Variants in TRABD2B observed in about 807,000 individuals in gnomAD.
TRABD2B encodes metalloprotease TIKI2.
Under a neutral mutation model 40.1 loss-of-function variants are expected in TRABD2B, and 14 were observed. That is an observed-to-expected ratio of 0.35 (90% CI 0.23 to 0.55). TRABD2B has a LOEUF of 0.55. Ranked by LOEUF, TRABD2B falls within the 20% of genes least tolerant of loss-of-function variation. The pLI is 0.90. For missense variants in TRABD2B, 541 were observed against 648.6 expected (o/e 0.83, Z 1.80); for synonymous variants, 263 against 277.0 (o/e 0.95, Z 0.50).
intron 2 of TRABD2B, among the ~76,000 whole-genome samples, chr1:47,935,625 A>G (rs1645096752): frequency 1.3e-5 from 2 of 152,250 alleles, no homozygotes; most frequent in Admixed American, 6.5e-5. Context: ...GGCTTCAACA[A>G]GCAAGTAAGA....
intron 2 of TRABD2B, among the ~76,000 whole-genome samples, chr1:47,825,118 GAAC>G (rs1477700640): frequency 1.1e-4 from 16 of 152,328 alleles, no homozygotes; most frequent in African/African-American, 3.8e-4. Flanking sequence ...TTGTTTCACA[GAAC>G]AACATGAGCA....
chr1:47,930,496 T>C (rs530263034), intron 2 of TRABD2B, among the ~76,000 whole-genome samples: 35 of 152,190 alleles, frequency 2.3e-4, no homozygotes, highest in African/African-American at 8.4e-4. Context: ...GAGTCCGCGA[T>C]AGTAAACCAG....
intron 4 of TRABD2B, among the ~76,000 whole-genome samples, chr1:47,785,016 G>A (rs1644576509): frequency 6.6e-6 from 1 of 152,202 alleles, no homozygotes; most frequent in South Asian, 2.1e-4. Flanking sequence ...AAGGAGATGA[G>A]TGAGGAGTGA....
intron 2 of TRABD2B, among the ~76,000 whole-genome samples, chr1:47,842,785 A>G (rs12129836): frequency 0.23 from 35,514 of 152,156 alleles, 4,706 homozygotes; most frequent in South Asian, 0.46. Flanking sequence ...TGGAGATTTC[A>G]TTGTAGCAGA....
intron 2 of TRABD2B, among the ~76,000 whole-genome samples, chr1:47,823,601 G>C (rs937405754): frequency 6.6e-6 from 1 of 152,204 alleles, no homozygotes; most frequent in African/African-American, 2.4e-5. Context: ...TCAGAGCAGG[G>C]GGAGGTGCAG....
chr1:47,766,193 G>T, intron 6 of TRABD2B, 87 bp from the exon 7 acceptor site: 1 of 676,328 alleles, frequency 1.5e-6, no homozygotes, highest in East Asian at 2.7e-5. Context: ...ATTTTTTCAG[G>T]TCTATTTTGC....
chr1:47,794,410 C>G (rs1247920675), intron 4 of TRABD2B, among the ~76,000 whole-genome samples, 176 bp downstream of exon 4: 1 of 152,138 alleles, frequency 6.6e-6, no homozygotes, highest in East Asian at 1.9e-4. Context: ...ATGGAAGAAC[C>G]CTTGACCCGA....
chr1:47,848,113 C>CA (rs1314368387), intron 2 of TRABD2B, among the ~76,000 whole-genome samples: 1 of 152,240 alleles, frequency 6.6e-6, no homozygotes. Flanking sequence ...TCAAGGACCC[C>CA]AGCCCCTAGA....
At chr1:47,952,863 A>G (rs1239013727) in intron 2 of TRABD2B, among the ~76,000 whole-genome samples, 1 of 152,160 alleles carries the variant, frequency 6.6e-6, no homozygotes, top group Non-Finnish European at 1.5e-5. Context: ...GGCCTCCCCA[A>G]GGGCAGGTCC....
chr1:47,965,802 G>C (rs1030178158), intron 2 of TRABD2B, among the ~76,000 whole-genome samples: 16 of 152,168 alleles, frequency 1.1e-4, no homozygotes, highest in Non-Finnish European at 2.9e-5. Flanking sequence ...AGATCATGAA[G>C]AGCAAGGGTA....
intron 2 of TRABD2B, among the ~76,000 whole-genome samples, chr1:47,831,269 TATTA>T (rs1434365445): frequency 5.9e-5 from 9 of 152,110 alleles, no homozygotes; most frequent in Middle Eastern, 6.8e-3. Context: ...AGAGCAGAAT[TATTA>T]ATAGGTCCTA....
chr1:47,944,925 G>T (rs1387389054), intron 2 of TRABD2B, among the ~76,000 whole-genome samples: 1 of 152,082 alleles, frequency 6.6e-6, no homozygotes, highest in Non-Finnish European at 1.5e-5. Context: ...AGAAAAAAGG[G>T]GGCTACAATT....
chr1:47,915,391 C>G (rs569820861), intron 2 of TRABD2B, among the ~76,000 whole-genome samples: 1 of 152,114 alleles, frequency 6.6e-6, no homozygotes, highest in Non-Finnish European at 1.5e-5. Context: ...GCCAGAGGCA[C>G]GGGGACTTAC....
intron 2 of TRABD2B, among the ~76,000 whole-genome samples, chr1:47,902,109 C>A (rs1644608554): frequency 6.6e-6 from 1 of 152,186 alleles, no homozygotes; most frequent in African/African-American, 2.4e-5. Flanking sequence ...TTTGACCAAG[C>A]CTCCCACAAG....
intron 2 of TRABD2B, among the ~76,000 whole-genome samples, chr1:47,866,487 T>C (rs575989741): frequency 2.0e-5 from 3 of 152,288 alleles, no homozygotes; most frequent in Admixed American, 2.0e-4. Context: ...TCCTGACTGC[T>C]TCCCATGCTG....
chr1:47,895,866 C>A (rs917946204), intron 2 of TRABD2B, among the ~76,000 whole-genome samples: 2 of 152,244 alleles, frequency 1.3e-5, no homozygotes, highest in African/African-American at 4.8e-5. Context: ...CCAGGCCTGC[C>A]TCCTCGTACT....
At chr1:47,881,450 T>C (rs1033900952) in intron 2 of TRABD2B, among the ~76,000 whole-genome samples, 2 of 152,226 alleles carry the variant, frequency 1.3e-5, no homozygotes, top group African/African-American at 4.8e-5. Flanking sequence ...TGCTAAGAAC[T>C]TGACATCCAT....
intron 2 of TRABD2B, among the ~76,000 whole-genome samples, chr1:47,892,464 A>G (rs1644461442): frequency 6.6e-6 from 1 of 152,250 alleles, no homozygotes. Context: ...GGATATATGA[A>G]TCCAGAGAGT....
chr1:47,867,514 G>GGACAGAGGGA (rs1165752460), intron 2 of TRABD2B, among the ~76,000 whole-genome samples: 1 of 152,168 alleles, frequency 6.6e-6, no homozygotes, highest in Admixed American at 6.6e-5. Context: ...AAGGTGAGAA[G>GGACAGAGGGA]GACAGAGGGA....
Sources: gnomAD v4.1 joint callset for allele counts (sites outside exome capture counted in the v4.1 genomes callset) on GRCh38, gnomAD v4.1.1 for gene constraint, MANE v1.5 for transcripts, NCBI Gene and HGNC (gene_info 2026-07-23, HGNC 2026-07-21) for gene names.